Variants in CTNNA2 observed in about 807,000 individuals in gnomAD.
CTNNA2 encodes catenin alpha 2.
In CTNNA2, 42 loss-of-function variants were observed where a neutral mutation model predicts 101.0. The observed-to-expected ratio is 0.42, with a 90% CI of 0.32 to 0.54. CTNNA2 has a LOEUF of 0.54. Ranked by LOEUF, CTNNA2 falls within the 20% of genes least tolerant of loss-of-function variation. The pLI, the probability that CTNNA2 is intolerant of heterozygous loss-of-function variation, is 0.14. For synonymous variants in CTNNA2, 450 were observed against 456.4 expected (o/e 0.99, Z 0.18); for missense variants, 871 against 1,223.1 (o/e 0.71, Z 4.29).
chr2:80,452,460 A>C (rs1297905760), intron 9 of CTNNA2, among the ~76,000 whole-genome samples: 3 of 135,594 alleles, frequency 2.2e-5, no homozygotes, highest in Non-Finnish European at 4.8e-5. Flanking sequence ...ATGGTCCATA[A>C]AATTCCATCT....
chr2:80,390,141 CCAGT>C (rs763726214), intron 7 of CTNNA2, among the ~76,000 whole-genome samples: 4 of 152,172 alleles, frequency 2.6e-5, no homozygotes, highest in Admixed American at 1.3e-4. Flanking sequence ...TTTCTTTTTG[CCAGT>C]CAAAGTGCCT....
At chr2:79,770,133 G>A (rs1673468818) in intron 3 of CTNNA2, among the ~76,000 whole-genome samples, 1 of 152,158 alleles carries the variant, frequency 6.6e-6, no homozygotes, top group Non-Finnish European at 1.5e-5. Context: ...CATCTAGGGG[G>A]TAGAAGTCAG....
chr2:79,882,844 T>C (rs1173363070), intron 6 of CTNNA2, among the ~76,000 whole-genome samples: 1 of 152,156 alleles, frequency 6.6e-6, no homozygotes, highest in Non-Finnish European at 1.5e-5. Context: ...GGTTTGCAAG[T>C]GGCGTCTTCC....
intron 3 of CTNNA2, among the ~76,000 whole-genome samples, chr2:79,755,204 A>G (rs2105053025): frequency 6.6e-6 from 1 of 152,164 alleles, no homozygotes. Flanking sequence ...GGTGGTGCAC[A>G]CCTGTGGTCT....
rs1677801839 is a variant in CTNNA2 at position 79,368,606 on chromosome 2, G to A, written c.-317-5225G>A. On this transcript the variant is annotated intron_variant, in intron 3 of 21. Coordinates refer to the CTNNA2 transcript ENST00000466387. Reference sequence around the variant, plus strand: ...GAACCACCATGGGCTCTCTGAACCTGGAAATGGAAAGACATCTTTGACATT... The same window carrying A: ...GAACCACCATGGGCTCTCTGAACCTAGAAATGGAAAGACATCTTTGACATT... 3.9e-5 allele frequency among the ~76,000 whole-genome samples: 6 copies of A among 152,082 alleles called. No homozygotes were observed. In the South Asian group the frequency reaches 1.2e-3, roughly 31 times the overall value.
chr2:80,567,783 G>T (rs1177403902), intron 12 of CTNNA2, among the ~76,000 whole-genome samples: 1 of 152,032 alleles, frequency 6.6e-6, no homozygotes, highest in Non-Finnish European at 1.5e-5. Context: ...TGTCTGTGAT[G>T]GGGGGAGGAT....
intron 3 of CTNNA2, among the ~76,000 whole-genome samples, chr2:79,335,963 G>A (rs1001184977): frequency 3.3e-5 from 5 of 152,238 alleles, no homozygotes; most frequent in Middle Eastern, 3.4e-3. Flanking sequence ...AACAATGAAC[G>A]AGAAAGTCAG....
intron 7 of CTNNA2, among the ~76,000 whole-genome samples, chr2:80,294,094 G>A (rs1040712645): frequency 2.6e-5 from 4 of 152,100 alleles, no homozygotes; most frequent in African/African-American, 7.2e-5. Context: ...AATCAGAGAA[G>A]GAAAGGAAGG....
At chr2:80,584,382 T>C (rs754223183) in intron 14 of CTNNA2, among the ~76,000 whole-genome samples, 1 of 143,624 alleles carries the variant, frequency 7.0e-6, no homozygotes, top group Non-Finnish European at 1.5e-5. Flanking sequence ...GTCCTTTATA[T>C]GCCCATATCT....
chr2:79,898,095 T>G (rs1056714011), intron 6 of CTNNA2, among the ~76,000 whole-genome samples: 9 of 152,170 alleles, frequency 5.9e-5, no homozygotes, highest in African/African-American at 2.2e-4. Flanking sequence ...CTGTAACATT[T>G]TATACCTTGG....
chr2:80,589,894 G>GTA (rs1430437979), intron 15 of CTNNA2, among the ~76,000 whole-genome samples: 3 of 149,558 alleles, frequency 2.0e-5, no homozygotes, highest in Non-Finnish European at 3.0e-5. Context: ...GTGTGTGTGT[G>GTA]TGTGTGTGTG....
At chr2:79,978,820 T>C (rs2104600936) in intron 7 of CTNNA2, among the ~76,000 whole-genome samples, 1 of 152,290 alleles carries the variant, frequency 6.6e-6, no homozygotes, top group South Asian at 2.1e-4. Context: ...CCATTAACAA[T>C]AAGAGCTAAC....
At chr2:79,851,030 C>A (rs957520779) in intron 3 of CTNNA2, among the ~76,000 whole-genome samples, 9 of 152,120 alleles carry the variant, frequency 5.9e-5, no homozygotes, top group South Asian at 2.1e-4. Flanking sequence ...GAGCAGAGGC[C>A]CTCAGCCACA....
intron 7 of CTNNA2, among the ~76,000 whole-genome samples, chr2:79,932,993 G>A (rs184001578): frequency 5.9e-5 from 9 of 152,260 alleles, no homozygotes; most frequent in Admixed American, 2.0e-4. Context: ...CTGTACGTAC[G>A]TCATTTTAGG....
chr2:80,222,081 A>T (rs1708606245), intron 7 of CTNNA2, among the ~76,000 whole-genome samples: 1 of 152,152 alleles, frequency 6.6e-6, no homozygotes, highest in Non-Finnish European at 1.5e-5. Context: ...AAACCAACAC[A>T]TCCCCTTTGC....
intron 7 of CTNNA2, among the ~76,000 whole-genome samples, chr2:80,104,304 A>G (rs1396536536): frequency 6.6e-6 from 1 of 152,126 alleles, no homozygotes; most frequent in Admixed American, 6.5e-5. Flanking sequence ...CTATCTTTCT[A>G]ATAAAGACTC....
chr2:79,562,117 A>C (rs1248722104), intron 1 of CTNNA2, among the ~76,000 whole-genome samples: 2 of 151,876 alleles, frequency 1.3e-5, no homozygotes, highest in African/African-American at 4.8e-5. Flanking sequence ...ATTTTTGATC[A>C]ATTTTTAGTT....
chr2:80,355,722 C>G (rs1179408043), intron 7 of CTNNA2, among the ~76,000 whole-genome samples: 2 of 152,072 alleles, frequency 1.3e-5, no homozygotes, highest in Admixed American at 6.6e-5. Context: ...ATGAACTTTT[C>G]TATTTTTGTT....
chr2:79,825,582 A>G (rs901099596), intron 3 of CTNNA2, among the ~76,000 whole-genome samples: 30 of 152,084 alleles, frequency 2.0e-4, no homozygotes, highest in Non-Finnish European at 3.8e-4. Context: ...AGCCGGGGAG[A>G]GGAGGGAATG....
Sources: gnomAD v4.1 joint callset for allele counts (sites outside exome capture counted in the v4.1 genomes callset) on GRCh38, gnomAD v4.1.1 for gene constraint, MANE v1.5 for transcripts, NCBI Gene and HGNC (gene_info 2026-07-23, HGNC 2026-07-21) for gene names.